The following MBNL2 variants were observed in gnomAD, a reference collection of about 807,000 sequenced individuals.
The protein encoded by MBNL2 is muscleblind-like protein 2.
In MBNL2, 17 loss-of-function variants were observed where a neutral mutation model predicts 41.9. The ratio of observed to expected loss-of-function variants is 0.41; its 90% CI spans 0.28 to 0.61. The LOEUF is 0.61. Among genes scored for constraint, MBNL2 ranks in the 20% least tolerant of loss-of-function variants. The pLI, the probability that MBNL2 is intolerant of heterozygous loss-of-function variation, is 0.35. For missense variants in MBNL2, 336 were observed against 505.6 expected, an observed-to-expected ratio of 0.66 and a Z score of 3.22; for synonymous variants, 195 against 182.9, an observed-to-expected ratio of 1.07 and a Z score of -0.53.
At chr13:97,185,887 C>T in the MBNL2 span, among the ~76,000 whole-genome samples, 7 of 152,250 alleles carry the variant, frequency 4.6e-5, no homozygotes, top group Non-Finnish European at 1.0e-4. Flanking sequence ...AAAAATCACC[C>T]ATGACTTTCC....
chr13:97,258,195 T>C (rs1414535300), intron 1 of MBNL2, among the ~76,000 whole-genome samples: 1 of 151,860 alleles, frequency 6.6e-6, no homozygotes, highest in Admixed American at 6.6e-5. Flanking sequence ...ACAGAAGATA[T>C]GCTTTGTTGC....
the MBNL2 span, among the ~76,000 whole-genome samples, chr13:97,156,580 TAAGG>T: frequency 7.1e-6 from 1 of 140,886 alleles, no homozygotes; most frequent in African/African-American, 2.7e-5. Context: ...GTATAAGGTG[TAAGG>T]AAGGGATCCA....
chr13:97,201,189 A>G, the MBNL2 span, among the ~76,000 whole-genome samples: 54 of 152,338 alleles, frequency 3.5e-4, no homozygotes, highest in African/African-American at 1.3e-3. Flanking sequence ...GGTCAGAGTC[A>G]TCTGCCCATA....
chr13:97,374,940 G>A (rs549982182), intron 8 of MBNL2, among the ~76,000 whole-genome samples: 4 of 152,258 alleles, frequency 2.6e-5, no homozygotes, highest in Admixed American at 2.0e-4. Flanking sequence ...GATGAACAAC[G>A]GGCAGGGTTT....
rs1158457948 is a variant in MBNL2 at position 97,346,857 on chromosome 13, C to T, written c.594C>T (p.Arg198=). Residue 198 remains arginine (R), a synonymous_variant, in exon 5 of 9, where the codon CGC becomes CGT. Coordinates refer to ENST00000679496, the MANE Select transcript of MBNL2 (RefSeq NM_001382683.1). The surrounding 1 kb of genome is among the most constrained non-coding windows in gnomAD (Gnocchi z 4.2). ...GNCARGETDC[R]FAHPADSTMI... Reference sequence around the variant, plus strand: ...GTGCCCGGGGAGAGACCGACTGCCGCTTTGCACACCCCGCAGACAGCACCA... The same window carrying T: ...GTGCCCGGGGAGAGACCGACTGCCGTTTTGCACACCCCGCAGACAGCACCA... 2.5e-6 allele frequency: 4 copies of T among 1,613,922 alleles called. No individual in the cohort carries two copies. Among genetic ancestry groups the T allele is most frequent in the Non-Finnish European group, 3.4e-6 (4 of 1,179,892 alleles).
intron 2 of MBNL2, among the ~76,000 whole-genome samples, chr13:97,306,497 G>A (rs1400286463): frequency 1.3e-5 from 2 of 152,150 alleles, no homozygotes; most frequent in African/African-American, 2.4e-5. Flanking sequence ...AACTCATGGT[G>A]GTCACTCCTT....
chr13:97,271,260 C>T (rs998889483), intron 1 of MBNL2, among the ~76,000 whole-genome samples: 7 of 151,392 alleles, frequency 4.6e-5, no homozygotes, highest in Admixed American at 1.3e-4. Flanking sequence ...GGATTACAGG[C>T]GTGTGCCAGG....
At chr13:97,310,688 C>G (rs765139405) in intron 2 of MBNL2, among the ~76,000 whole-genome samples, 1 of 152,070 alleles carries the variant, frequency 6.6e-6, no homozygotes, top group Non-Finnish European at 1.5e-5. Context: ...CTCAGCCTCC[C>G]AAAGTGCTGG....
At chr13:97,224,331 T>A (rs943744307) in intron 1 of MBNL2, among the ~76,000 whole-genome samples, 1 of 152,182 alleles carries the variant, frequency 6.6e-6, no homozygotes, top group African/African-American at 2.4e-5. Flanking sequence ...CTAGCACAGA[T>A]GGCCCCAAGC....
chr13:97,350,464 T>G (rs1247780658), intron 5 of MBNL2, among the ~76,000 whole-genome samples: 1 of 152,236 alleles, frequency 6.6e-6, no homozygotes, highest in Non-Finnish European at 1.5e-5. Context: ...TTATGAAAGA[T>G]TTCTCTGTAG....
At position 97,380,409 on chromosome 13, in the gene MBNL2, G is replaced by A. The variant is rs188406108; in HGVS notation, c.1049-10913G>A. ...CTCGGGAGGCTGAGACAGGACAATC[G>A]CTTGGACCTGGGAGGCAGAGGTTGC... On this transcript the variant is annotated intron_variant, in intron 8 of 8. Transcript: ENST00000679496. Among the ~76,000 whole-genome samples the A allele has an allele frequency of 1.1e-3, 161 of 152,170 alleles. 1 individual carries two copies. Among genetic ancestry groups the A allele is most frequent in the African/African-American group, 3.7e-3 (153 of 41,516 alleles).
chr13:97,185,179 C>T, the MBNL2 span, among the ~76,000 whole-genome samples: 25 of 152,226 alleles, frequency 1.6e-4, no homozygotes, highest in Admixed American at 1.6e-3. Flanking sequence ...CCATGATGTC[C>T]TGAATTACTC....
At chr13:97,164,476 A>G in the MBNL2 span, among the ~76,000 whole-genome samples, 47 of 152,228 alleles carry the variant, frequency 3.1e-4, no homozygotes, top group Admixed American at 2.4e-3. Flanking sequence ...GAATAAATCA[A>G]TCAATGAACA....
the MBNL2 span, among the ~76,000 whole-genome samples, chr13:97,195,971 T>C: frequency 6.6e-6 from 1 of 152,162 alleles, no homozygotes; most frequent in African/African-American, 2.4e-5. Context: ...GCAAGACAAG[T>C]GTGTATAAGT....
chr13:97,382,972 G>A (rs1404702811), intron 8 of MBNL2, among the ~76,000 whole-genome samples: 1 of 152,112 alleles, frequency 6.6e-6, no homozygotes, highest in Non-Finnish European at 1.5e-5. Flanking sequence ...TAAATACACA[G>A]TGCTCTTGAA....
chr13:97,364,012 C>A (rs1359602496), intron 7 of MBNL2, among the ~76,000 whole-genome samples: 1 of 152,198 alleles, frequency 6.6e-6, no homozygotes, highest in Non-Finnish European at 1.5e-5. Context: ...CTACATGACA[C>A]CCAGTCTTCA....
chr13:97,357,441 G>C (rs2063088572), intron 6 of MBNL2, 41 bp from the exon 7 acceptor site: 2 of 1,564,636 alleles, frequency 1.3e-6, no homozygotes, highest in South Asian at 2.2e-5. Flanking sequence ...AGGTGTGTTT[G>C]CTTTAAGTTA....
intron 8 of MBNL2, among the ~76,000 whole-genome samples, chr13:97,370,090 A>C (rs9584564): frequency 0.28 from 42,521 of 151,928 alleles, 6,042 homozygotes; most frequent in Non-Finnish European, 0.3. Context: ...TTACGTATAG[A>C]TGTAGACACT....
the MBNL2 span, among the ~76,000 whole-genome samples, chr13:97,144,510 A>G: frequency 1.4e-5 from 2 of 141,644 alleles, no homozygotes; most frequent in African/African-American, 2.8e-5. Flanking sequence ...GCTTACTGCA[A>G]CCTCTGCCTC....
Sources: allele counts gnomAD v4.1 joint callset (sites outside exome capture counted in the v4.1 genomes callset), GRCh38; gene constraint gnomAD v4.1.1; non-coding constraint Gnocchi (gnomAD v3.1); transcripts MANE v1.5; gene names NCBI Gene and HGNC (gene_info 2026-07-23, HGNC 2026-07-21).